The following CELF2 variants were observed in gnomAD, a reference collection of about 807,000 sequenced individuals.
CELF2 encodes the protein CUG triplet repeat RNA-binding protein 2.
CELF2 carries 8 observed loss-of-function variants against 62.6 expected under a neutral mutation model. The ratio of observed to expected loss-of-function variants is 0.13; its 90% CI spans 0.07 to 0.23. CELF2 has a LOEUF of 0.23. Among genes scored for constraint, CELF2 ranks in the 10% least tolerant of loss-of-function variants. The pLI is 1.00. For synonymous variants in CELF2, 258 were observed against 250.0 expected (o/e 1.03, Z -0.30); for missense variants, 333 against 671.0 (o/e 0.50, Z 5.56).
chr10:10,751,165 A>G, the CELF2 span, among the ~76,000 whole-genome samples: 1 of 152,244 alleles, frequency 6.6e-6, no homozygotes, highest in African/African-American at 2.4e-5. Flanking sequence ...CTGTGGGAGC[A>G]AAACCTTTCT....
intron 3 of CELF2, among the ~76,000 whole-genome samples, chr10:11,238,943 C>G (rs545538617): frequency 6.6e-6 from 1 of 152,240 alleles, no homozygotes; most frequent in African/African-American, 2.4e-5. Context: ...AGAACCTAAT[C>G]ACAGCTAACG....
chr10:11,067,144 G>T (rs1363284233), intron 1 of CELF2, among the ~76,000 whole-genome samples: 1 of 152,148 alleles, frequency 6.6e-6, no homozygotes, highest in Non-Finnish European at 1.5e-5. Flanking sequence ...GTTGGATTTG[G>T]AAAGGAGGAA....
At chr10:10,491,930 G>C in the CELF2 span, among the ~76,000 whole-genome samples, 1 of 151,810 alleles carries the variant, frequency 6.6e-6, no homozygotes, top group South Asian at 2.1e-4. Context: ...TTTTTGCCAG[G>C]TCTTTTTTCC....
At chr10:11,204,933 T>C (rs1387843384) in intron 2 of CELF2, among the ~76,000 whole-genome samples, 1 of 152,232 alleles carries the variant, frequency 6.6e-6, no homozygotes, top group Non-Finnish European at 1.5e-5. Flanking sequence ...AACCTGGGTG[T>C]GCTCCTTAGC....
the CELF2 span, among the ~76,000 whole-genome samples, chr10:10,512,772 C>T: frequency 6.6e-6 from 1 of 152,270 alleles, no homozygotes; most frequent in South Asian, 2.1e-4. Context: ...TGGTCAGTTC[C>T]TCCCCTCCTG....
chr10:10,779,036 G>A, the CELF2 span, among the ~76,000 whole-genome samples: 1 of 152,142 alleles, frequency 6.6e-6, no homozygotes, highest in African/African-American at 2.4e-5. Flanking sequence ...TTAGGAGAAG[G>A]TATTTGCAAA....
chr10:10,930,299 C>T (rs1319777173), intron 2 of CELF2, among the ~76,000 whole-genome samples: 5 of 152,140 alleles, frequency 3.3e-5, no homozygotes, highest in Non-Finnish European at 4.4e-5. Flanking sequence ...GATTTTGATA[C>T]CCTATTTGGC....
chr10:11,226,533 C>T (rs1393451058), intron 3 of CELF2, among the ~76,000 whole-genome samples: 1 of 152,190 alleles, frequency 6.6e-6, no homozygotes, highest in East Asian at 1.9e-4. Flanking sequence ...CTGGCTGTGT[C>T]AGATGGCATG....
chr10:11,188,334 A>G (rs1372166416), intron 2 of CELF2, among the ~76,000 whole-genome samples: 1 of 152,130 alleles, frequency 6.6e-6, no homozygotes, highest in East Asian at 1.9e-4. Flanking sequence ...CGAACTCCCA[A>G]CCTCAGGTGA....
rs192621739 is a variant in CELF2 at position 11,058,989 on chromosome 10, C to T, written c.74+40826C>T. ...TGAGACGGGGGGTTTCGCCATCTTG[C>T]GTAGGCTGGTCTCAAACTCCTGGGC... On this transcript the variant is annotated intron_variant, in intron 1 of 12. Coordinates refer to ENST00000633077, the MANE Select transcript of CELF2 (RefSeq NM_001326342.2). 1.2e-4 allele frequency among the ~76,000 whole-genome samples: 19 copies of T among 152,266 alleles called. No homozygotes were observed. The East Asian group carries it at 3.1e-3, about 25-fold the overall frequency.
At chr10:11,091,324 C>T (rs770046077) in intron 1 of CELF2, among the ~76,000 whole-genome samples, 16 of 152,118 alleles carry the variant, frequency 1.1e-4, no homozygotes, top group African/African-American at 1.4e-4. Flanking sequence ...GCTGTTCTCC[C>T]TGGGGAACCG....
the CELF2 span, among the ~76,000 whole-genome samples, chr10:10,630,072 G>A: frequency 6.6e-6 from 1 of 152,074 alleles, no homozygotes; most frequent in Non-Finnish European, 1.5e-5. Context: ...CACTCCATCT[G>A]CTTTTGTTTG....
the CELF2 span, among the ~76,000 whole-genome samples, chr10:10,636,577 C>T: frequency 6.6e-6 from 1 of 152,160 alleles, no homozygotes; most frequent in Non-Finnish European, 1.5e-5. Flanking sequence ...TACATGGCAT[C>T]TTCAATTTCC....
At chr10:11,134,534 T>C (rs1186380964) in intron 1 of CELF2, among the ~76,000 whole-genome samples, 2 of 152,186 alleles carry the variant, frequency 1.3e-5, no homozygotes, top group Admixed American at 6.5e-5. Flanking sequence ...CCAGTGCTGA[T>C]TGTCCTCGGC....
At chr10:10,966,049 T>C (rs905484857) in intron 2 of CELF2, among the ~76,000 whole-genome samples, 6 of 152,234 alleles carry the variant, frequency 3.9e-5, no homozygotes, top group Non-Finnish European at 8.8e-5. Flanking sequence ...GGGAAAACTT[T>C]AGGATTTACT....
At chr10:10,971,299 T>A (rs1324331720) in intron 2 of CELF2, among the ~76,000 whole-genome samples, 1 of 152,220 alleles carries the variant, frequency 6.6e-6, no homozygotes, top group Non-Finnish European at 1.5e-5. Flanking sequence ...ATATTCTGTC[T>A]TACTCTTGGT....
At chr10:10,756,203 T>A in the CELF2 span, among the ~76,000 whole-genome samples, 1 of 152,234 alleles carries the variant, frequency 6.6e-6, no homozygotes, top group Non-Finnish European at 1.5e-5. Flanking sequence ...TTTCTATATA[T>A]TTTCCTTTGG....
At chr10:10,814,231 A>AAG (rs1234732333) in intron 1 of CELF2, among the ~76,000 whole-genome samples, 1 of 148,972 alleles carries the variant, frequency 6.7e-6, no homozygotes, top group Non-Finnish European at 1.5e-5. Context: ...AAAAAAAAAA[A>AAG]AAAAAAAAAG....
chr10:10,808,910 T>C (rs1452839203), intron 1 of CELF2, among the ~76,000 whole-genome samples: 2 of 152,188 alleles, frequency 1.3e-5, no homozygotes, highest in African/African-American at 4.8e-5. Flanking sequence ...CCATACGCTA[T>C]TGATATTGAA....
Sources: gnomAD v4.1 joint callset for allele counts (sites outside exome capture counted in the v4.1 genomes callset) on GRCh38, gnomAD v4.1.1 for gene constraint, MANE v1.5 for transcripts, NCBI Gene and HGNC (gene_info 2026-07-23, HGNC 2026-07-21) for gene names.